LRGUK: variants seen among roughly 807,000 people sequenced by gnomAD.
LRGUK encodes the protein leucine rich repeats and guanylate kinase domain containing, also known as leucine-rich repeat and guanylate kinase domain-containing protein.
A neutral mutation model predicts 76.0 loss-of-function variants in LRGUK; 65 were observed. The ratio of observed to expected loss-of-function variants is 0.85; its 90% CI spans 0.70 to 1.05. The LOEUF (loss-of-function observed/expected upper bound fraction) is 1.05, where lower values mean the gene tolerates loss of function less well. Ranked by LOEUF, LRGUK falls within the 50% of genes least tolerant of loss-of-function variation. The probability of loss-of-function intolerance (pLI) is 0.00; values close to 1 mark genes in which losing one functional copy is unlikely to be tolerated. For missense variants in LRGUK, 758 were observed against 732.8 expected (o/e 1.03, Z -0.40); for synonymous variants, 268 against 265.6 (o/e 1.01, Z -0.09).
intron 18 of LRGUK, among the ~76,000 whole-genome samples, chr7:134,250,602 C>T (rs1482366977): frequency 1.3e-5 from 2 of 152,160 alleles, no homozygotes; most frequent in Non-Finnish European, 2.9e-5. Flanking sequence ...CTTGGGATTT[C>T]CTTCCATAAT....
At position 134,264,198 on chromosome 7, in the gene LRGUK, TGTGA is replaced by T. The variant is rs1585614706; in HGVS notation, c.*226_*229del. 10 of 396,914 alleles carry T rather than the reference TGTGA, an allele frequency of 2.5e-5. No homozygotes were observed. The East Asian group carries it at 3.9e-4, about 16-fold the overall frequency. 24.6% of individuals were successfully genotyped at this position (396,914 alleles called of 1,614,324 possible). On this transcript the variant is annotated 3_prime_UTR_variant, in exon 20 of 20. Coordinates refer to the LRGUK transcript ENST00000285928. Reference sequence around the variant, plus strand: ...TTGTTTCTTAAATGATTTTTAAAGATGTGAGTTTTTTTAATGTGAGTTATTCTTA... The same window carrying T: ...TTGTTTCTTAAATGATTTTTAAAGATGTTTTTTTAATGTGAGTTATTCTTA...
intron 11 of LRGUK, among the ~76,000 whole-genome samples, chr7:134,191,138 A>G (rs1275568033): frequency 1.3e-5 from 2 of 152,168 alleles, no homozygotes; most frequent in Non-Finnish European, 2.9e-5. Context: ...TGAACATACA[A>G]TTGGAATGCA....
intron 16 of LRGUK, among the ~76,000 whole-genome samples, chr7:134,233,475 A>G (rs2117178703): frequency 6.6e-6 from 1 of 152,350 alleles, no homozygotes; most frequent in Admixed American, 6.5e-5. Context: ...AGACAAGGCC[A>G]GTACAATCCT....
At chr7:134,168,429 C>T (rs1177119197) in intron 7 of LRGUK, among the ~76,000 whole-genome samples, 1 of 152,042 alleles carries the variant, frequency 6.6e-6, no homozygotes, top group African/African-American at 2.4e-5. Context: ...TCAGGAATAC[C>T]CAGATTTGCC....
chr7:134,254,112 T>C (rs1236110644), intron 18 of LRGUK, among the ~76,000 whole-genome samples: 1 of 152,164 alleles, frequency 6.6e-6, no homozygotes, highest in Non-Finnish European at 1.5e-5. Flanking sequence ...TAATCTTGCT[T>C]GTGATTAGAC....
intron 5 of LRGUK, among the ~76,000 whole-genome samples, chr7:134,157,716 G>A (rs1438827247): frequency 6.6e-6 from 1 of 152,082 alleles, no homozygotes; most frequent in Non-Finnish European, 1.5e-5. Flanking sequence ...GTAGAGACGG[G>A]GTTTCACCGT....
intron 18 of LRGUK, among the ~76,000 whole-genome samples, chr7:134,256,149 G>T (rs1419028972): frequency 6.6e-6 from 1 of 151,884 alleles, no homozygotes; most frequent in Non-Finnish European, 1.5e-5. Flanking sequence ...TCCCACCCCC[G>T]AACCTTCCCT....
chr7:134,180,754 T>C (rs907626382), intron 10 of LRGUK, among the ~76,000 whole-genome samples: 6 of 152,202 alleles, frequency 3.9e-5, no homozygotes, highest in Admixed American at 1.3e-4. Flanking sequence ...TAACAAAATT[T>C]GCCACTTTAA....
At chr7:134,276,297 A>G in the LRGUK span, among the ~76,000 whole-genome samples, 51 of 152,224 alleles carry the variant, frequency 3.4e-4, no homozygotes, top group Non-Finnish European at 6.5e-4. Flanking sequence ...ATGTCTAACT[A>G]TGTAGGAAGG....
chr7:134,197,282 A>G (rs1025749845), intron 13 of LRGUK, among the ~76,000 whole-genome samples, 177 bp downstream of exon 13: 1 of 152,174 alleles, frequency 6.6e-6, no homozygotes, highest in Non-Finnish European at 1.5e-5. Context: ...AGGGGTATAC[A>G]ATGCACAGGC....
intron 15 of LRGUK, among the ~76,000 whole-genome samples, chr7:134,205,093 T>C (rs1800944502): frequency 6.6e-6 from 1 of 152,218 alleles, no homozygotes; most frequent in Non-Finnish European, 1.5e-5. Context: ...TTGCCGCTGC[T>C]GGCGGGGGTG....
At chr7:134,228,077 T>C (rs189283231) in intron 16 of LRGUK, among the ~76,000 whole-genome samples, 1 of 152,040 alleles carries the variant, frequency 6.6e-6, no homozygotes, top group African/African-American at 2.4e-5. Context: ...TGTACTAAAA[T>C]TAAAAACAAA....
chr7:134,193,974 A>G (rs1472320404), intron 12 of LRGUK, among the ~76,000 whole-genome samples: 1 of 152,048 alleles, frequency 6.6e-6, no homozygotes. Context: ...TTCCCCCACA[A>G]CACACAATCA....
intron 7 of LRGUK, among the ~76,000 whole-genome samples, chr7:134,170,368 G>C (rs1799190452): frequency 6.6e-6 from 1 of 151,458 alleles, no homozygotes; most frequent in Non-Finnish European, 1.5e-5. Flanking sequence ...TTTTCCCCTG[G>C]TTTCTTTCAT....
intron 5 of LRGUK, among the ~76,000 whole-genome samples, chr7:134,157,338 A>G (rs370343542): frequency 6.6e-6 from 1 of 152,200 alleles, no homozygotes; most frequent in African/African-American, 2.4e-5. Context: ...ATGATAATGC[A>G]TGGTGCATGT....
At chr7:134,193,784 C>T (rs1166859249) in intron 12 of LRGUK, among the ~76,000 whole-genome samples, 1 of 152,092 alleles carries the variant, frequency 6.6e-6, no homozygotes, top group Non-Finnish European at 1.5e-5. Context: ...CACAGAACCC[C>T]CCTCTACACA....
intron 16 of LRGUK, among the ~76,000 whole-genome samples, chr7:134,223,876 C>T (rs998973445): frequency 6.6e-6 from 1 of 152,186 alleles, no homozygotes; most frequent in African/African-American, 2.4e-5. Context: ...CTCACCTCAG[C>T]CTCCCAAAGT....
At chr7:134,206,282 C>T (rs1374069614) in intron 15 of LRGUK, among the ~76,000 whole-genome samples, 2 of 152,056 alleles carry the variant, frequency 1.3e-5, no homozygotes, top group African/African-American at 2.4e-5. Flanking sequence ...TTTGGAAGCC[C>T]GAGGAGGGCA....
At chr7:134,150,479 C>CAAAA in intron 5 of LRGUK, among the ~76,000 whole-genome samples, 2 of 134,554 alleles carry the variant, frequency 1.5e-5, no homozygotes, top group East Asian at 2.3e-4. Flanking sequence ...AACAAGCAAA[C>CAAAA]AAAAAAAAAA....
Sources: allele counts gnomAD v4.1 joint callset (sites outside exome capture counted in the v4.1 genomes callset), GRCh38; gene constraint gnomAD v4.1.1; transcripts MANE v1.5; gene names NCBI Gene and HGNC (gene_info 2026-07-23, HGNC 2026-07-21).